Variants in ARL17B observed in about 807,000 individuals in gnomAD.
The protein encoded by ARL17B is ARF like GTPase 17B.
chr17:46,283,180 C>T (rs1219032237), intron 4 of ARL17B, among the ~76,000 whole-genome samples: 2 of 152,188 alleles, frequency 1.3e-5, no homozygotes, highest in Non-Finnish European at 2.9e-5. Flanking sequence ...TATCAATTTA[C>T]CCTCCAAAGT....
chr17:46,288,054 T>C (rs2049965380), intron 4 of ARL17B, among the ~76,000 whole-genome samples: 1 of 152,156 alleles, frequency 6.6e-6, no homozygotes, highest in Non-Finnish European at 1.5e-5. Context: ...TCTTGGTAGA[T>C]TCACCTAGAG....
chr17:46,320,882 AT>A (rs538708422), intron 3 of ARL17B, among the ~76,000 whole-genome samples: 3 of 16 alleles, frequency 0.19, no homozygotes, highest in Admixed American at 0.5. Context: ...TATCTACCAC[AT>A]AAGGTATTTG....
chr17:46,287,884 A>C (rs1033599348), intron 4 of ARL17B, among the ~76,000 whole-genome samples: 2 of 152,270 alleles, frequency 1.3e-5, no homozygotes, highest in African/African-American at 4.8e-5. Flanking sequence ...TGACAAAAGA[A>C]AAAGTAAATG....
chr17:46,280,569 C>CTTTTTTTTTTTTT (rs56981193), intron 4 of ARL17B, among the ~76,000 whole-genome samples: 1 of 112,012 alleles, frequency 8.9e-6, no homozygotes, highest in Non-Finnish European at 1.7e-5. Context: ...TGATAGCACA[C>CTTTTTTTTTTTTT]TTTTTTTTTT....
At chr17:46,284,210 C>T (rs2696509) in intron 4 of ARL17B, among the ~76,000 whole-genome samples, 12,147 of 137,220 alleles carry the variant, frequency 0.089, 1 homozygote, top group Non-Finnish European at 0.14. Flanking sequence ...TCCCACGAGG[C>T]CATATTTCAG....
chr17:46,282,401 C>T (rs1260915992), intron 4 of ARL17B, among the ~76,000 whole-genome samples: 15 of 151,700 alleles, frequency 9.9e-5, no homozygotes, highest in African/African-American at 3.6e-4. Flanking sequence ...CCGCACCTGG[C>T]CTCAGTTTTT....
chr17:46,278,773 A>G (rs936439357), intron 4 of ARL17B, among the ~76,000 whole-genome samples: 7 of 152,002 alleles, frequency 4.6e-5, no homozygotes, highest in Admixed American at 1.3e-4. Flanking sequence ...CTGATTCTAA[A>G]AGTTGAAAAC....
chr17:46,279,175 CTTTTTTTTCTTTT>C (rs2049685034), intron 4 of ARL17B, among the ~76,000 whole-genome samples: 2 of 147,784 alleles, frequency 1.4e-5, no homozygotes, highest in Non-Finnish European at 3.0e-5. Flanking sequence ...ATAAGGCATT[CTTTTTTTTCTTTT>C]TTTTTTTTTT....
At chr17:46,324,002 A>G (rs62073242) in intron 3 of ARL17B, among the ~76,000 whole-genome samples, 1 of 89,996 alleles carries the variant, frequency 1.1e-5, no homozygotes, top group Admixed American at 1.1e-4. Context: ...GACTTTGGTA[A>G]CTGCAGGGGG....
At chr17:46,277,653 C>CTTTCTTTCTTTTT (rs143961379) in intron 4 of ARL17B, among the ~76,000 whole-genome samples, 3 of 137,858 alleles carry the variant, frequency 2.2e-5, no homozygotes, top group Non-Finnish European at 3.3e-5. Context: ...TTCTTTCTTT[C>CTTTCTTTCTTTTT]TTTTTTTTTT....
At chr17:46,281,121 T>C (rs1481190978) in intron 4 of ARL17B, among the ~76,000 whole-genome samples, 4 of 152,230 alleles carry the variant, frequency 2.6e-5, no homozygotes, top group African/African-American at 4.8e-5. Flanking sequence ...ATCTAAAAGT[T>C]TCTTTTATTC....
rs574415419 is a variant in ARL17B at position 46,325,592 on chromosome 17, G to C, written c.260-25927C>G. 3.2e-4 allele frequency among the ~76,000 whole-genome samples: 26 copies of C among 81,786 alleles called. 8 individuals carry two copies. The highest frequency in any genetic ancestry group is 1.6e-3 in the Admixed American group (13 of 7,956). 53.7% of individuals were successfully genotyped at this position (81,786 alleles called of 152,430 possible). ...AATGTCTGATGTTTGATTGGATTCT[G>C]AATTTTTTAAGCCATGTTATGATTA... On this transcript the variant is annotated intron_variant, in intron 3 of 4. Coordinates refer to the ARL17B transcript ENST00000434041.
chr17:46,280,521 T>C (rs1251781503), intron 4 of ARL17B, among the ~76,000 whole-genome samples: 1 of 151,586 alleles, frequency 6.6e-6, no homozygotes, highest in Non-Finnish European at 1.5e-5. Context: ...ATTAAAAATA[T>C]ATATTATTAA....
chr17:46,275,346 C>G, exon 5 of ARL17B: 2 of 959,554 alleles, frequency 2.1e-6, no homozygotes, highest in Non-Finnish European at 3.1e-6. Context: ...CAACAAGATT[C>G]TTGCTGTGTT....
At chr17:46,315,459 C>T (rs1282325074) in intron 3 of ARL17B, among the ~76,000 whole-genome samples, 5 of 129,122 alleles carry the variant, frequency 3.9e-5, no homozygotes, top group African/African-American at 1.4e-4. Context: ...CCCGGGAGAT[C>T]GGTGCTGCAG....
intron 4 of ARL17B, among the ~76,000 whole-genome samples, chr17:46,277,414 G>A (rs561140579): frequency 6.6e-6 from 1 of 152,220 alleles, no homozygotes; most frequent in African/African-American, 2.4e-5. Flanking sequence ...CACACCCCTT[G>A]GCTTCTACCT....
intron 4 of ARL17B, among the ~76,000 whole-genome samples, chr17:46,283,159 G>A (rs1334254508): frequency 6.6e-6 from 1 of 152,276 alleles, no homozygotes; most frequent in South Asian, 2.1e-4. Context: ...CAATTCAACT[G>A]TAATAGATAC....
chr17:46,278,168 ACTC>A (rs1158956471), intron 4 of ARL17B, among the ~76,000 whole-genome samples: 1 of 151,620 alleles, frequency 6.6e-6, no homozygotes, highest in Non-Finnish European at 1.5e-5. Flanking sequence ...CTGGTCTCGA[ACTC>A]CTGACCTCAG....
chr17:46,317,054 C>T (rs113399013), intron 3 of ARL17B, among the ~76,000 whole-genome samples: 43,100 of 73,712 alleles, frequency 0.58, 16,056 homozygotes, highest in East Asian at 0.9. Context: ...TGTATCTTTT[C>T]CCCACATTTC....
Sources: allele counts gnomAD v4.1 joint callset (sites outside exome capture counted in the v4.1 genomes callset), GRCh38; gene constraint gnomAD v4.1.1; transcripts MANE v1.5; gene names NCBI Gene and HGNC (gene_info 2026-07-23, HGNC 2026-07-21).